The following SPNS3 variants were observed in gnomAD, a reference collection of about 807,000 sequenced individuals.
SPNS3 encodes protein spinster homolog 3.
Under a neutral mutation model 54.4 loss-of-function variants are expected in SPNS3, and 51 were observed. The ratio of observed to expected loss-of-function variants is 0.94; its 90% confidence interval spans 0.75 to 1.18. The LOEUF (loss-of-function observed/expected upper bound fraction) is 1.18. Among genes scored for constraint, SPNS3 ranks in the 50% most tolerant of loss-of-function variants. The pLI, the probability that SPNS3 is intolerant of heterozygous loss-of-function variation, is 0.00. For missense variants in SPNS3, 669 were observed against 677.4 expected, an observed-to-expected ratio of 0.99 and a Z score of 0.14; for synonymous variants, 309 against 294.7, an observed-to-expected ratio of 1.05 and a Z score of -0.50.
At position 4,446,213 on chromosome 17, in the gene SPNS3, G is replaced by C. The variant is rs56005249; in HGVS notation, c.554+14G>C. 5.6e-6 allele frequency: 9 copies of C among 1,602,236 alleles called. No homozygotes were observed. Among genetic ancestry groups the C allele is most frequent in the Admixed American group, 3.4e-5 (2 of 59,504 alleles). ...CCCCGTTGGAAGGTTGGTATCACCCGTGGGTCTACTTCCCCAGGTGGTAAA... is the reference window on the plus strand; with the variant it reads ...CCCCGTTGGAAGGTTGGTATCACCCCTGGGTCTACTTCCCCAGGTGGTAAA... On this transcript the variant is annotated intron_variant, in intron 4 of 11. Coordinates refer to ENST00000355530, the MANE Select transcript of SPNS3 (RefSeq NM_182538.5).
chr17:4,486,432 C>T lies in SPNS3; in HGVS notation c.1299C>T (p.Ala433=), dbSNP rs1483628383. 4 of 1,608,784 alleles carry T rather than the reference C, an allele frequency of 2.5e-6. No homozygotes were observed. The highest frequency in any genetic ancestry group is 3.4e-6 in the Non-Finnish European group (4 of 1,176,882). The change falls in exon 11 of 12, where the codon GCC becomes GCT. Residue 433 remains alanine, a synonymous_variant. Coordinates refer to ENST00000355530, the MANE Select transcript of SPNS3 (RefSeq NM_182538.5). The surrounding 1 kb of genome is among the most constrained non-coding windows in gnomAD (Gnocchi z 5.5). ...LTGLISSVLR[A]RRPDSYLQRF... ...CGCAGATCTCTAGTGTCCTGCGGGC[C>T]AGGCGCCCTGACTCCTATCTGCAGC...
chr17:4,461,183 A>G (rs1971489850), intron 8 of SPNS3, among the ~76,000 whole-genome samples: 1 of 151,842 alleles, frequency 6.6e-6, no homozygotes, highest in South Asian at 2.1e-4. Flanking sequence ...TTTCATTTCT[A>G]TAAGGTGAGC....
chr17:4,467,552 A>T (rs1272976750), intron 8 of SPNS3, among the ~76,000 whole-genome samples: 2 of 152,106 alleles, frequency 1.3e-5, no homozygotes, highest in Non-Finnish European at 2.9e-5. Flanking sequence ...CAGCTTCCTT[A>T]TATGACCATC....
intron 8 of SPNS3, among the ~76,000 whole-genome samples, chr17:4,458,649 C>CT (rs1971412122): frequency 3.2e-5 from 4 of 123,144 alleles, no homozygotes; most frequent in Non-Finnish European, 5.2e-5. Flanking sequence ...TTCTTTCTTT[C>CT]CTTCCTTCTT....
At chr17:4,434,848 A>G (rs536397936) in intron 1 of SPNS3, among the ~76,000 whole-genome samples, 4 of 141,958 alleles carry the variant, frequency 2.8e-5, no homozygotes, top group Admixed American at 2.2e-4. Context: ...TCTGTTGCCC[A>G]GGCTGGAGTG....
At chr17:4,468,370 A>G (rs76897384) in intron 8 of SPNS3, among the ~76,000 whole-genome samples, 6,018 of 152,294 alleles carry the variant, frequency 0.04, 159 homozygotes, top group South Asian at 0.084. Context: ...TAATATAGGC[A>G]GGAGATAGTG....
At chr17:4,437,604 T>C (rs1970745836) in intron 1 of SPNS3, among the ~76,000 whole-genome samples, 1 of 151,294 alleles carries the variant, frequency 6.6e-6, no homozygotes, top group South Asian at 2.1e-4. Context: ...GAGGCAGAGG[T>C]TGCAGTGAGC....
At chr17:4,443,400 G>A (rs1315976568) in intron 2 of SPNS3, among the ~76,000 whole-genome samples, 2 of 152,174 alleles carry the variant, frequency 1.3e-5, no homozygotes, top group Non-Finnish European at 1.5e-5. Context: ...TTTGGATAAA[G>A]AAGATATGCA....
intron 8 of SPNS3, among the ~76,000 whole-genome samples, chr17:4,459,002 C>T (rs1027794351): frequency 2.6e-5 from 4 of 152,106 alleles, no homozygotes; most frequent in African/African-American, 9.7e-5. Flanking sequence ...CCTCTTGATT[C>T]CCTAGTCATT....
intron 8 of SPNS3, among the ~76,000 whole-genome samples, chr17:4,455,437 C>T (rs888406663): frequency 1.3e-5 from 2 of 152,242 alleles, no homozygotes; most frequent in African/African-American, 4.8e-5. Flanking sequence ...CGGTGCCCCA[C>T]ATGTGGCAGA....
chr17:4,437,976 AT>A (rs1834960541), intron 1 of SPNS3, among the ~76,000 whole-genome samples: 1 of 152,018 alleles, frequency 6.6e-6, no homozygotes, highest in South Asian at 2.1e-4. Context: ...TTAAATAGAG[AT>A]GGGATTTCAC....
chr17:4,458,617 C>CTTTCTTTCTTTCTTTCTTTCT (rs1567563948), intron 8 of SPNS3, among the ~76,000 whole-genome samples: 35 of 110,616 alleles, frequency 3.2e-4, no homozygotes, highest in African/African-American at 7.4e-4. Context: ...TTCTTTCTTT[C>CTTTCTTTCTTTCTTTCTTTCT]TTTCTTTCTT....
intron 2 of SPNS3, among the ~76,000 whole-genome samples, chr17:4,441,371 A>G (rs924423780): frequency 5.3e-5 from 8 of 152,122 alleles, no homozygotes; most frequent in Non-Finnish European, 8.8e-5. Flanking sequence ...AGAAAGGAAA[A>G]AAAAAAGACA....
chr17:4,464,300 C>T (rs59433866), intron 8 of SPNS3, among the ~76,000 whole-genome samples: 6,064 of 152,268 alleles, frequency 0.04, 338 homozygotes, highest in African/African-American at 0.13. Context: ...ATACCACCTT[C>T]GTTGGCCTTC....
intron 2 of SPNS3, among the ~76,000 whole-genome samples, chr17:4,444,159 GA>G (rs1970920494): frequency 2.0e-5 from 3 of 152,026 alleles, no homozygotes; most frequent in African/African-American, 7.2e-5. Context: ...ACCTATGTAG[GA>G]AAACCAACTT....
intron 8 of SPNS3, among the ~76,000 whole-genome samples, chr17:4,466,930 G>A (rs546367025): frequency 2.0e-5 from 3 of 152,266 alleles, no homozygotes; most frequent in South Asian, 2.1e-4. Flanking sequence ...CAAAGAGAGC[G>A]ACAGGGGCAA....
At position 4,486,370 on chromosome 17, in the gene SPNS3, C is replaced by T. The variant is rs1396172941; in HGVS notation, c.1279-42C>T. On this transcript the variant is annotated intron_variant, in intron 10 of 11. Transcript: ENST00000355530. The surrounding 1 kb of genome is among the most constrained non-coding windows in gnomAD (Gnocchi z 5.5). ...TGTGGGGTGGGGAGGGTCTGGGGGC[C>T]AGGCTGGTGGGCCTGGCAGACTCAT... The T allele has an allele frequency of 1.7e-5, 27 of 1,596,986 alleles. No individual in the cohort carries two copies. The highest frequency in any genetic ancestry group is 2.3e-5 in the Non-Finnish European group (27 of 1,171,160).
At chr17:4,481,881 TCTCTC>T (rs1439081482) in intron 9 of SPNS3, 21 of 147,104 alleles carry the variant, frequency 1.4e-4, no homozygotes, top group African/African-American at 4.6e-4. Context: ...CTGCTCTCTC[TCTCTC>T]TTTTTTTTTT....
At chr17:4,447,531 G>A (rs1205218069) in intron 5 of SPNS3, among the ~76,000 whole-genome samples, 1 of 152,236 alleles carries the variant, frequency 6.6e-6, no homozygotes, top group Non-Finnish European at 1.5e-5. Flanking sequence ...AATGCAGGCT[G>A]CGCGCAGACC....
Sources: allele counts gnomAD v4.1 joint callset (sites outside exome capture counted in the v4.1 genomes callset), GRCh38; gene constraint gnomAD v4.1.1; non-coding constraint Gnocchi (gnomAD v3.1); transcripts MANE v1.5; gene names NCBI Gene and HGNC (gene_info 2026-07-23, HGNC 2026-07-21).